Variants in PRDM16 observed in about 807,000 individuals in gnomAD.
PRDM16 encodes the protein histone-lysine N-methyltransferase PRDM16.
A neutral mutation model predicts 110.6 loss-of-function variants in PRDM16; 23 were observed. The ratio of observed to expected loss-of-function variants is 0.21; its 90% CI spans 0.15 to 0.29. The LOEUF is 0.29. PRDM16 is among the 10% of genes least tolerant of loss of function. PRDM16 has a pLI of 1.00. For missense variants in PRDM16, 1,615 were observed against 1,794.3 expected (o/e 0.90, Z 1.81); for synonymous variants, 799 against 781.8 (o/e 1.02, Z -0.37).
intron 2 of PRDM16, among the ~76,000 whole-genome samples, chr1:3,233,570 G>GC (rs1441687039): frequency 6.6e-6 from 1 of 152,190 alleles, no homozygotes; most frequent in Admixed American, 6.5e-5. Context: ...CCTTCTCCCT[G>GC]CCCCTGTGAG....
intron 12 of PRDM16, among the ~76,000 whole-genome samples, chr1:3,424,576 G>A (rs893241997): frequency 6.6e-5 from 10 of 152,254 alleles, no homozygotes; most frequent in Non-Finnish European, 1.3e-4. Context: ...GCCCACCCTG[G>A]GGGAATAAAG....
chr1:3,336,520 G>A (rs1017328584), intron 3 of PRDM16, among the ~76,000 whole-genome samples: 1 of 151,838 alleles, frequency 6.6e-6, no homozygotes, highest in East Asian at 1.9e-4. Flanking sequence ...TCATGCACTT[G>A]TATGTTGGTG....
chr1:3,238,660 G>A (rs1480222959), intron 2 of PRDM16, among the ~76,000 whole-genome samples: 1 of 152,212 alleles, frequency 6.6e-6, no homozygotes, highest in Non-Finnish European at 1.5e-5. Context: ...AGCTGCCAAC[G>A]GGAAGCCGCC....
intron 3 of PRDM16, among the ~76,000 whole-genome samples, chr1:3,373,067 G>A (rs1642932077): frequency 6.6e-6 from 1 of 152,236 alleles, no homozygotes; most frequent in African/African-American, 2.4e-5. Context: ...GACCAGACAT[G>A]GATGCTTCCA....
rs1048808640 is a variant in PRDM16, at chr1:3,290,913, G to A, written c.438+46776G>A. Among the ~76,000 whole-genome samples the A allele has an allele frequency of 8.6e-5, 13 of 152,016 alleles. No homozygotes were observed. The highest frequency in any genetic ancestry group is 3.1e-4 in the African/African-American group (13 of 41,390). On this transcript the variant is annotated intron_variant, in intron 3 of 16. Transcript: ENST00000270722. This position sits in a 1 kb window ranked among gnomAD's most constrained non-coding sequence, Gnocchi z 4.8. Reference sequence around the variant, plus strand: ...AGTGATGGTTACGGAAATTAGTGGTGCAGAAATCCATACTCATCATTCATC... The same window carrying A: ...AGTGATGGTTACGGAAATTAGTGGTACAGAAATCCATACTCATCATTCATC...
chr1:3,267,262 T>G (rs7524427), intron 3 of PRDM16, among the ~76,000 whole-genome samples: 3,494 of 152,308 alleles, frequency 0.023, 146 homozygotes, highest in African/African-American at 0.079. Context: ...CATGGAGTCA[T>G]GCAGCGTGTG....
In PRDM16 at chr1:3,396,604, TCC is replaced by T; in HGVS notation, c.676+15_676+16del. The stretch of plus-strand genomic sequence containing the variant: ...CGCCCGGCCTGGACGGTAAGACCCC[TCC>T]CCCAAACCGGGCCACGGCCCCTGGG... On this transcript the variant is annotated intron_variant, in intron 5 of 16. Coordinates refer to ENST00000270722, the MANE Select transcript of PRDM16 (RefSeq NM_022114.4). 6.9e-7 allele frequency: 1 copy of T among 1,456,270 alleles called. No homozygotes were observed. Among genetic ancestry groups the T allele is most frequent in the Non-Finnish European group, 9.4e-7 (1 of 1,062,330 alleles). The allele number at this position is 1,456,270 out of a possible 1,614,324, so 90.2% of individuals were successfully genotyped here.
At position 3,244,233 on chromosome 1, in the gene PRDM16, G is replaced by A. The variant is rs372138276; in HGVS notation, c.438+96G>A. On this transcript the variant is annotated intron_variant, in intron 3 of 16. Transcript: ENST00000270722. This position sits in a 1 kb window ranked among gnomAD's most constrained non-coding sequence, Gnocchi z 4.1. ...CCCAGCTGTCCCTGAGCTAACAAGCGTGTAGTCGGAATGTTGCTGGCAGGC... is the reference window on the plus strand; with the variant it reads ...CCCAGCTGTCCCTGAGCTAACAAGCATGTAGTCGGAATGTTGCTGGCAGGC... The A allele has an allele frequency of 1.6e-5, 19 of 1,154,086 alleles. No individual in the cohort carries two copies. Among genetic ancestry groups the A allele is most frequent in the Admixed American group, 3.5e-5 (2 of 56,538 alleles). The allele number at this position is 1,154,086 out of a possible 1,614,324, so 71.5% of individuals were successfully genotyped here.
intron 1 of PRDM16, among the ~76,000 whole-genome samples, chr1:3,113,733 C>A (rs777999794): frequency 2.6e-5 from 4 of 152,214 alleles, no homozygotes; most frequent in Non-Finnish European, 5.9e-5. Flanking sequence ...GACATGGCCG[C>A]GTGCCCCAGG....
chr1:3,424,424 G>A (rs1172579887), intron 12 of PRDM16, among the ~76,000 whole-genome samples: 2 of 152,234 alleles, frequency 1.3e-5, no homozygotes, highest in East Asian at 3.9e-4. Flanking sequence ...TCATTATGAC[G>A]ACTTTCCAGC....
chr1:3,348,003 C>G (rs1388188083), intron 3 of PRDM16, among the ~76,000 whole-genome samples: 1 of 150,908 alleles, frequency 6.6e-6, no homozygotes, highest in Non-Finnish European at 1.5e-5. Context: ...CTCGGTGGCT[C>G]AGTCTGCTTT....
At position 3,433,826 on chromosome 1, in the gene PRDM16, G is replaced by A. The variant is rs771401380; in HGVS notation, c.*15G>A. 122 of 1,609,906 alleles carry A rather than the reference G, an allele frequency of 7.6e-5. 1 individual carries two copies. Among genetic ancestry groups the A allele is most frequent in the Non-Finnish European group, 8.9e-5 (105 of 1,178,906 alleles). ...ACCACCTCTGACGGGCTGGGCAGCC[G>A]GGGGCCGGTGGCCAGAGCGAGGGCA... On this transcript the variant is annotated 3_prime_UTR_variant, in exon 17 of 17. Transcript: ENST00000270722.
intron 3 of PRDM16, among the ~76,000 whole-genome samples, chr1:3,335,638 C>T (rs1642130581): frequency 6.6e-6 from 1 of 151,746 alleles, no homozygotes; most frequent in Non-Finnish European, 1.5e-5. Context: ...CACACACACA[C>T]ACACCCTTGG....
intron 3 of PRDM16, among the ~76,000 whole-genome samples, chr1:3,249,628 T>C (rs945658898): frequency 2.0e-5 from 3 of 152,212 alleles, no homozygotes; most frequent in African/African-American, 7.2e-5. Context: ...TGGGATCAGT[T>C]ATGTCTTTAT....
chr1:3,114,348 GCA>G (rs1642888415), intron 1 of PRDM16, among the ~76,000 whole-genome samples: 1 of 130,960 alleles, frequency 7.6e-6, no homozygotes, highest in East Asian at 2.4e-4. Flanking sequence ...GCGCACGCAT[GCA>G]CACATGCACA....
Position 3,430,942 on chromosome 1 carries a change from G to A in PRDM16, c.3355G>A (p.Glu1119Lys), listed in dbSNP as rs750650633. 7.4e-6 allele frequency: 12 copies of A among 1,613,878 alleles called. No individual in the cohort carries two copies. Among genetic ancestry groups the A allele is most frequent in the South Asian group, 6.6e-5 (6 of 91,054 alleles). Residue 1119 changes from glutamate (E) to lysine (K), a missense_variant, in exon 15 of 17, where the codon GAG becomes AAG. Physicochemically the swap from Glu to Lys is moderately conservative, Grantham distance 56 (BLOSUM62 1). Around this residue, in one of 5 missense-constraint regions of PRDM16, gnomAD observed 327 missense variants for 359.3 expected, o/e 0.91. Transcript: ENST00000270722. ...AGCCAGTGAGAAGCAGGAGGACGTG[G>A]AGGAGGAGGACGACGATGACCTGGA... ...GLASEKQEDV[E>K]EEDDDDLEED...
intron 1 of PRDM16, among the ~76,000 whole-genome samples, chr1:3,169,922 G>C (rs558336416): frequency 6.6e-6 from 1 of 152,234 alleles, no homozygotes; most frequent in Non-Finnish European, 1.5e-5. Flanking sequence ...CCTAATGACC[G>C]CGGCCCGCGC....
chr1:3,266,595 C>T (rs1175930920), intron 3 of PRDM16, among the ~76,000 whole-genome samples: 5 of 152,220 alleles, frequency 3.3e-5, no homozygotes, highest in Non-Finnish European at 7.3e-5. Flanking sequence ...CCGCTTGTCT[C>T]GCAGGCGGGA....
intron 5 of PRDM16, among the ~76,000 whole-genome samples, chr1:3,399,847 G>A (rs1189061838): frequency 6.6e-6 from 1 of 152,100 alleles, no homozygotes; most frequent in Admixed American, 6.5e-5. Flanking sequence ...ATAAAAGCTG[G>A]CATTTCTAAC....
Sources: allele counts gnomAD v4.1 joint callset (sites outside exome capture counted in the v4.1 genomes callset), GRCh38; gene constraint gnomAD v4.1.1; regional missense constraint gnomAD v4.1.1; non-coding constraint Gnocchi (gnomAD v3.1); transcripts MANE v1.5; gene names NCBI Gene and HGNC (gene_info 2026-07-23, HGNC 2026-07-21).